Variants in CCDC85C observed in about 807,000 individuals in gnomAD.
CCDC85C encodes the protein coiled-coil domain-containing protein 85C.
A neutral mutation model predicts 38.3 loss-of-function variants in CCDC85C; 18 were observed. The observed-to-expected ratio is 0.47, with a 90% CI of 0.33 to 0.70. CCDC85C has a LOEUF of 0.70. Ranked by LOEUF, CCDC85C falls within the 30% of genes least tolerant of loss-of-function variation. CCDC85C has a pLI of 0.03. For missense variants in CCDC85C, 566 were observed against 621.2 expected (o/e 0.91, Z 0.94); for synonymous variants, 264 against 293.8 (o/e 0.90, Z 1.04).
chr14:99,530,385 A>T (rs2139911114), intron 2 of CCDC85C, among the ~76,000 whole-genome samples: 1 of 152,302 alleles, frequency 6.6e-6, no homozygotes, highest in Admixed American at 6.5e-5. Flanking sequence ...AAGATGCCAA[A>T]CACACAGGGC....
At chr14:99,584,003 T>G (rs113559447) in intron 1 of CCDC85C, among the ~76,000 whole-genome samples, 2 of 152,018 alleles carry the variant, frequency 1.3e-5, no homozygotes, top group African/African-American at 4.8e-5. Context: ...GATGTCACCA[T>G]TGGGGGAAGC....
rs538491908 is a variant in CCDC85C, at chr14:99,567,862, G to A, written c.794-31774C>T. On this transcript the variant is annotated intron_variant, in intron 1 of 5. Coordinates refer to ENST00000380243, the MANE Select transcript of CCDC85C (RefSeq NM_001144995.2). ...AAACAAAAAAGAAATGCACATGCCT[G>A]TCTCCAGCTTTCCAGCTTGCCACCT... is the stretch of plus-strand genomic sequence containing the variant. 9.8e-5 allele frequency among the ~76,000 whole-genome samples: 15 copies of A among 152,326 alleles called. No homozygotes were observed. The East Asian group carries it at 2.7e-3, about 27-fold the overall frequency.
chr14:99,536,265 C>G (rs2139918816), intron 1 of CCDC85C, among the ~76,000 whole-genome samples, 177 bp from the exon 2 acceptor site: 1 of 152,302 alleles, frequency 6.6e-6, no homozygotes, highest in African/African-American at 2.4e-5. Context: ...AACAGCACGG[C>G]CTGTGGCCAA....
chr14:99,565,458 C>A (rs934508114), intron 1 of CCDC85C, among the ~76,000 whole-genome samples: 9 of 152,244 alleles, frequency 5.9e-5, no homozygotes, highest in Non-Finnish European at 1.0e-4. Context: ...GAACCCTCTA[C>A]AAGAGATCAT....
intron 1 of CCDC85C, among the ~76,000 whole-genome samples, chr14:99,536,311 C>T (rs1000525046): frequency 2.0e-5 from 3 of 152,188 alleles, no homozygotes; most frequent in East Asian, 1.9e-4. Context: ...CACCAAGGCA[C>T]GACACACAGA....
chr14:99,541,007 A>G (rs1037875437), intron 1 of CCDC85C, among the ~76,000 whole-genome samples: 2 of 152,112 alleles, frequency 1.3e-5, no homozygotes, highest in African/African-American at 4.8e-5. Context: ...CCTGGTTTTC[A>G]CACTGGCAAG....
At position 99,502,011 on chromosome 14, in the gene CCDC85C, A is replaced by G. The variant is rs2139871000; in HGVS notation, c.*13235T>C. The G allele has an allele frequency of 5.8e-6, 3 of 517,968 alleles. No homozygotes were observed. In the East Asian group the frequency reaches 1.1e-4, roughly 19 times the overall value. The allele number at this position is 517,968 out of a possible 1,614,324, so 32.1% of individuals were successfully genotyped here. ...TTCTGATTCTTTAAGGAATAGAGAA[A>G]TTACTAACTATGGTTAAAGTAACTT... On this transcript the variant is annotated 3_prime_UTR_variant, in exon 6 of 6. Coordinates refer to ENST00000380243, the MANE Select transcript of CCDC85C (RefSeq NM_001144995.2).
intron 1 of CCDC85C, among the ~76,000 whole-genome samples, chr14:99,563,841 G>C (rs937372928): frequency 3.9e-5 from 6 of 152,216 alleles, no homozygotes; most frequent in African/African-American, 1.4e-4. Flanking sequence ...AGCCAGATGG[G>C]CTAGCAGAGT....
rs1054370474 is a variant in CCDC85C, at chr14:99,505,498, C to T, written c.*9748G>A. 2 of 46,006 alleles carry T rather than the reference C, an allele frequency of 4.3e-5. No individual in the cohort carries two copies. The highest frequency in any genetic ancestry group is 8.8e-5 in the Non-Finnish European group (2 of 22,838). 2.8% of individuals were successfully genotyped at this position (46,006 alleles called of 1,614,324 possible). On this transcript the variant is annotated 3_prime_UTR_variant, in exon 6 of 6. Coordinates refer to ENST00000380243, the MANE Select transcript of CCDC85C (RefSeq NM_001144995.2). ...TGTTGAAATAAAATTTTCGATCTAT[C>T]GGGTTAAATAAATTTTATCCTTTTT...
Position 99,507,062 on chromosome 14 carries a change from CT to C in CCDC85C, c.*8183del, listed in dbSNP as rs1358197613. On this transcript the variant is annotated 3_prime_UTR_variant, in exon 6 of 6. Transcript: ENST00000380243. ...GAAGTATGAGTGGTTTTCTAATCTG[CT>C]TTTTCTTTGTAGAACCACCACCACC... 3 of 1,566,436 alleles carry C rather than the reference CT, an allele frequency of 1.9e-6. No individual in the cohort carries two copies. Among genetic ancestry groups the C allele is most frequent in the African/African-American group, 1.4e-5 (1 of 73,994 alleles).
At chr14:99,522,736 C>G (rs903723650) in intron 2 of CCDC85C, 1 of 154,176 alleles carries the variant, frequency 6.5e-6, no homozygotes, top group African/African-American at 2.4e-5. Context: ...GCTGCCTCCC[C>G]CATCGGATGG....
rs543074446 is a variant in CCDC85C at position 99,545,346 on chromosome 14, C to A, written c.794-9258G>T. Among the ~76,000 whole-genome samples, 29 of 152,292 alleles carry A rather than the reference C, an allele frequency of 1.9e-4. 1 individual carries two copies. In the South Asian group the frequency reaches 6.0e-3, roughly 32 times the overall value. On this transcript the variant is annotated intron_variant, in intron 1 of 5. Transcript: ENST00000380243. The surrounding 1 kb of genome is among the most constrained non-coding windows in gnomAD (Gnocchi z 4.7). The stretch of plus-strand genomic sequence containing the variant: ...GGCAGCTGAATGGAAAGCCCCGCTC[C>A]GGCTCAGTTCATCTAGAATGTGCCC...
chr14:99,556,537 C>T (rs1337893095), intron 1 of CCDC85C, among the ~76,000 whole-genome samples: 3 of 151,854 alleles, frequency 2.0e-5, no homozygotes, highest in Admixed American at 6.6e-5. Flanking sequence ...TCTTTTTTTG[C>T]GACAGTATCT....
At chr14:99,549,933 T>G (rs1376205194) in intron 1 of CCDC85C, among the ~76,000 whole-genome samples, 1 of 152,168 alleles carries the variant, frequency 6.6e-6, no homozygotes, top group Non-Finnish European at 1.5e-5. Flanking sequence ...TGTGTGCCCG[T>G]GAGGGCTGCT....
At chr14:99,556,813 C>T (rs1898019045) in intron 1 of CCDC85C, among the ~76,000 whole-genome samples, 2 of 152,038 alleles carry the variant, frequency 1.3e-5, no homozygotes, top group Admixed American at 1.3e-4. Flanking sequence ...AGGTATGAGC[C>T]ACTGTGCCCC....
intron 3 of CCDC85C, among the ~76,000 whole-genome samples, chr14:99,517,536 C>T (rs1316240788): frequency 6.6e-6 from 1 of 152,208 alleles, no homozygotes; most frequent in Non-Finnish European, 1.5e-5. Flanking sequence ...GGGCAAGAGA[C>T]CCAGATCACA....
Position 99,510,387 on chromosome 14 carries a change from A to T in CCDC85C, c.*4859T>A, listed in dbSNP as rs1311933968. On this transcript the variant is annotated 3_prime_UTR_variant, in exon 6 of 6. Transcript: ENST00000380243. ...AGAGGGCTACCAGAGCCTGCAGTCC[A>T]TGATGAAGACCGAGGGACCCTCCTA... The T allele has an allele frequency of 1.1e-5, 18 of 1,566,180 alleles. No individual in the cohort carries two copies. Among genetic ancestry groups the T allele is most frequent in the Non-Finnish European group, 1.4e-5 (16 of 1,159,548 alleles).
At position 99,546,061 on chromosome 14, in the gene CCDC85C, G is replaced by C. The variant is rs185997244; in HGVS notation, c.794-9973C>G. Among the ~76,000 whole-genome samples the C allele has an allele frequency of 3.5e-3, 529 of 151,708 alleles. 1 individual carries two copies. The highest frequency in any genetic ancestry group is 7.8e-3 in the African/African-American group (320 of 41,092). Reference sequence around the variant, plus strand: ...CGCGCAGGACTGAAGTCTGCATGGGGGGGGGGAATAAACAACCCTTACCGA... The same window carrying C: ...CGCGCAGGACTGAAGTCTGCATGGGCGGGGGGAATAAACAACCCTTACCGA... On this transcript the variant is annotated intron_variant, in intron 1 of 5. Coordinates refer to ENST00000380243, the MANE Select transcript of CCDC85C (RefSeq NM_001144995.2).
chr14:99,502,536 C>G lies in CCDC85C; in HGVS notation c.*12710G>C. On this transcript the variant is annotated 3_prime_UTR_variant, in exon 6 of 6. Transcript: ENST00000380243. ...ATTATCTAATAGTTTCCACTTTGTCCAAACACATACTTTTGGTAAACTAAA... is the reference window on the plus strand; with the variant it reads ...ATTATCTAATAGTTTCCACTTTGTCGAAACACATACTTTTGGTAAACTAAA... 1.5e-6 allele frequency: 2 copies of G among 1,304,418 alleles called. No homozygotes were observed. The highest frequency in any genetic ancestry group is 2.1e-6 in the Non-Finnish European group (2 of 964,218). The allele number at this position is 1,304,418 out of a possible 1,614,324, so 80.8% of individuals were successfully genotyped here.
Sources: allele counts gnomAD v4.1 joint callset (sites outside exome capture counted in the v4.1 genomes callset), GRCh38; gene constraint gnomAD v4.1.1; non-coding constraint Gnocchi (gnomAD v3.1); transcripts MANE v1.5; gene names NCBI Gene and HGNC (gene_info 2026-07-23, HGNC 2026-07-21).